Variants in PCBP3 observed in about 807,000 individuals in gnomAD.
The protein encoded by PCBP3 is poly(rC)-binding protein 3.
In PCBP3, 25 loss-of-function variants were observed where a neutral mutation model predicts 52.7. The observed-to-expected ratio is 0.47, with a 90% CI of 0.35 to 0.66. The LOEUF (loss-of-function observed/expected upper bound fraction) is 0.66, where lower values mean the gene tolerates loss of function less well. Among genes scored for constraint, PCBP3 ranks in the 30% least tolerant of loss-of-function variants. The pLI is 0.01. For missense variants in PCBP3, 391 were observed against 490.3 expected, an observed-to-expected ratio of 0.80 and a Z score of 1.91; for synonymous variants, 162 against 183.0, an observed-to-expected ratio of 0.89 and a Z score of 0.93.
At chr21:45,910,664 T>G (rs1226779872) in intron 10 of PCBP3, among the ~76,000 whole-genome samples, 6 of 152,066 alleles carry the variant, frequency 3.9e-5, no homozygotes, top group South Asian at 4.1e-4. Context: ...CCTCCTTGTC[T>G]AGCCTTGGCC....
At chr21:45,700,142 A>G (rs1237796496) in intron 2 of PCBP3, among the ~76,000 whole-genome samples, 1 of 152,200 alleles carries the variant, frequency 6.6e-6, no homozygotes, top group African/African-American at 2.4e-5. Context: ...CTGCAATAGC[A>G]GGAAAAGCTC....
At chr21:45,710,880 G>A (rs2083790014) in intron 2 of PCBP3, among the ~76,000 whole-genome samples, 1 of 152,092 alleles carries the variant, frequency 6.6e-6, no homozygotes, top group Admixed American at 6.5e-5. Flanking sequence ...CAATTCTTGG[G>A]TTTATAGTTC....
At chr21:45,748,005 C>T (rs1030709661) in intron 3 of PCBP3, 1 of 152,304 alleles carries the variant, frequency 6.6e-6, no homozygotes, top group Non-Finnish European at 1.5e-5. Context: ...TCCTCCGTGC[C>T]GTGCTGCCAG....
At chr21:45,819,529 G>A (rs373573102) in intron 4 of PCBP3, among the ~76,000 whole-genome samples, 2 of 152,246 alleles carry the variant, frequency 1.3e-5, no homozygotes, top group Non-Finnish European at 2.9e-5. Flanking sequence ...CCCCAAGGCC[G>A]AGGCCGGCAG....
In PCBP3 at chr21:45,724,308, C is replaced by T. The variant is rs975525009; in HGVS notation, c.-199-11084C>T. Among the ~76,000 whole-genome samples, 1 of 152,180 alleles carries T rather than the reference C, an allele frequency of 6.6e-6. No homozygotes were observed. Among genetic ancestry groups the T allele is most frequent in the African/African-American group, 2.4e-5 (1 of 41,436 alleles). On this transcript the variant is annotated intron_variant, in intron 2 of 17. Transcript: ENST00000681687. The surrounding 1 kb of genome is among the most constrained non-coding windows in gnomAD (Gnocchi z 5.3). ...GGGTGTCCAGCTGTGACCCACCCCG[C>T]CCCCTCCCGGTGTTACCCTGAGTTA...
At chr21:45,762,146 G>T (rs1046718921) in intron 4 of PCBP3, 1 of 152,228 alleles carries the variant, frequency 6.6e-6, no homozygotes, top group Non-Finnish European at 1.5e-5. Context: ...GGTACCTTTC[G>T]TGGGTGGGTC....
At chr21:45,885,299 T>C (rs1361706805) in intron 5 of PCBP3, among the ~76,000 whole-genome samples, 1 of 152,210 alleles carries the variant, frequency 6.6e-6, no homozygotes, top group Non-Finnish European at 1.5e-5. Flanking sequence ...CATGTCCCTC[T>C]TGCTGCTTGC....
intron 4 of PCBP3, among the ~76,000 whole-genome samples, chr21:45,819,373 G>GCTTT (rs1187957226): frequency 6.6e-6 from 1 of 152,216 alleles, no homozygotes; most frequent in African/African-American, 2.4e-5. Flanking sequence ...TAGCTCTGAG[G>GCTTT]GAAAGCGCTG....
chr21:45,854,417 C>G (rs969525365), intron 5 of PCBP3, among the ~76,000 whole-genome samples: 1 of 152,100 alleles, frequency 6.6e-6, no homozygotes, highest in East Asian at 1.9e-4. Context: ...CCCATTAAAC[C>G]CTCCCTCCCC....
At chr21:45,881,614 TATAC>T (rs1028514509) in intron 5 of PCBP3, among the ~76,000 whole-genome samples, 1 of 152,308 alleles carries the variant, frequency 6.6e-6, no homozygotes, top group Admixed American at 6.5e-5. Flanking sequence ...AATTTTCAAG[TATAC>T]ATTGTTCTTA....
chr21:45,914,217 C>T, intron 12 of PCBP3, 192 bp downstream of exon 12: 3 of 857,354 alleles, frequency 3.5e-6, no homozygotes, highest in East Asian at 3.0e-5. Context: ...CGGCATTCCC[C>T]CACAGAGACG....
intron 17 of PCBP3, among the ~76,000 whole-genome samples, chr21:45,940,806 C>T (rs192830032): frequency 3.4e-4 from 52 of 152,184 alleles, no homozygotes; most frequent in Middle Eastern, 6.8e-3. Flanking sequence ...TACCACCAGC[C>T]CCCCAGCCAG....
intron 15 of PCBP3, among the ~76,000 whole-genome samples, chr21:45,933,412 T>G (rs1409274566): frequency 6.6e-6 from 1 of 152,238 alleles, no homozygotes; most frequent in African/African-American, 2.4e-5. Context: ...CTAGGAAGAT[T>G]TCCCATACTT....
In PCBP3 at chr21:45,791,735, T is replaced by C. The variant is rs1411376157; in HGVS notation, c.-126+36283T>C. Among the ~76,000 whole-genome samples the C allele has an allele frequency of 1.3e-5, 2 of 152,260 alleles. No homozygotes were observed. The highest frequency in any genetic ancestry group is 2.9e-5 in the Non-Finnish European group (2 of 68,044). On this transcript the variant is annotated intron_variant, in intron 4 of 17. Coordinates refer to ENST00000681687, the MANE Select transcript of PCBP3 (RefSeq NM_001384156.1). This position sits in a 1 kb window ranked among gnomAD's most constrained non-coding sequence, Gnocchi z 4.2. ...AGAGAATAGTACTACTTGGTTTCCC[T>C]GGTAACTGCCAACCGCTTGACTGAC...
At chr21:45,872,390 A>C (rs1463820517) in intron 5 of PCBP3, 1 of 152,208 alleles carries the variant, frequency 6.6e-6, no homozygotes, top group Non-Finnish European at 1.5e-5. Flanking sequence ...TGCTGTAATG[A>C]AAGCTGGAAG....
intron 1 of PCBP3, among the ~76,000 whole-genome samples, chr21:45,664,967 C>G (rs2080695815): frequency 6.6e-6 from 1 of 152,012 alleles, no homozygotes; most frequent in Non-Finnish European, 1.5e-5. Context: ...TTTCTTTCAT[C>G]AGCATTTTGC....
chr21:45,825,517 T>C (rs1603444886), intron 4 of PCBP3, among the ~76,000 whole-genome samples: 4 of 152,124 alleles, frequency 2.6e-5, no homozygotes, highest in African/African-American at 9.7e-5. Context: ...TTGGGAGGGG[T>C]CTGCCACTCC....
chr21:45,900,691 G>A (rs2075890), intron 8 of PCBP3, 68 bp downstream of exon 8: 308,993 of 1,011,376 alleles, frequency 0.31, 62,781 homozygotes, highest in East Asian at 0.64. Context: ...CCCAGGCTCT[G>A]CCCCTGCCGA....
rs1387158174 is a variant in PCBP3 at position 45,704,979 on chromosome 21, GT to G, written c.-199-30412del. 6.6e-6 allele frequency among the ~76,000 whole-genome samples: 1 copy of G among 152,186 alleles called. No homozygotes were observed. Among genetic ancestry groups the G allele is most frequent in the Non-Finnish European group, 1.5e-5 (1 of 68,028 alleles). On this transcript the variant is annotated intron_variant, in intron 2 of 17. Coordinates refer to ENST00000681687, the MANE Select transcript of PCBP3 (RefSeq NM_001384156.1). The surrounding 1 kb of genome is among the most constrained non-coding windows in gnomAD (Gnocchi z 4.1). ...CCTCCACAGAGCCCATCTTGGGGAGGTGTGCCTCTTTTTTCTGGCTTCGGTG... is the reference window on the plus strand; with the variant it reads ...CCTCCACAGAGCCCATCTTGGGGAGGGTGCCTCTTTTTTCTGGCTTCGGTG...
Sources: allele counts gnomAD v4.1 joint callset (sites outside exome capture counted in the v4.1 genomes callset), GRCh38; gene constraint gnomAD v4.1.1; non-coding constraint Gnocchi (gnomAD v3.1); transcripts MANE v1.5; gene names NCBI Gene and HGNC (gene_info 2026-07-23, HGNC 2026-07-21).